MED16: variants seen among roughly 807,000 people sequenced by gnomAD.
MED16 encodes the protein mediator of RNA polymerase II transcription subunit 16.
MED16 carries 81 observed loss-of-function variants against 84.4 expected under a neutral mutation model. The ratio of observed to expected loss-of-function variants is 0.96; its 90% CI spans 0.80 to 1.15. The LOEUF (loss-of-function observed/expected upper bound fraction) is 1.15. Among genes scored for constraint, MED16 ranks in the 50% most tolerant of loss-of-function variants. MED16 has a pLI of 0.00. For synonymous variants in MED16, 897 were observed against 552.2 expected (o/e 1.62, Z -8.76); for missense variants, 1,585 against 1,245.9 (o/e 1.27, Z -4.10).
intron 4 of MED16, among the ~76,000 whole-genome samples, chr19:887,086 A>C (rs1486768832): frequency 7.1e-6 from 1 of 140,700 alleles, no homozygotes; most frequent in Admixed American, 7.0e-5. Flanking sequence ...TCTCAAAAAC[A>C]AAAAAAAAAA....
intron 9 of MED16, 114 bp downstream of exon 9, chr19:876,860 C>A (rs1568324464): frequency 2.2e-6 from 2 of 898,162 alleles, no homozygotes; most frequent in African/African-American, 3.8e-5. Flanking sequence ...CCACCTGGCA[C>A]GGGACCACCT....
Position 877,040 on chromosome 19 carries a change from A to T in MED16, c.1494T>A (p.Ser498Arg). 1 of 1,612,544 alleles carries T rather than the reference A, an allele frequency of 6.2e-7. No individual in the cohort carries two copies. The highest frequency in any genetic ancestry group is 8.5e-7 in the Non-Finnish European group (1 of 1,179,876). ...GCTTCTCCACCAGGCTCTGTACCAT[A>T]CTGGGCTGCACGTGCAGCAGGATGT... The part of the protein sequence containing the change: ...WWDILLHVQP[S>R]MVQSLVEKLH... The change falls in exon 9 of 16, where the codon AGT becomes AGA. Residue 498 changes from serine (S) to arginine (R), a missense_variant. Physicochemically the swap from Ser to Arg is moderately radical, Grantham distance 110 (BLOSUM62 -1). Coordinates refer to ENST00000325464, the MANE Select transcript of MED16 (RefSeq NM_005481.3).
chr19:885,066 A>AC, intron 5 of MED16, 58 bp from the exon 6 acceptor site: 1 of 1,382,354 alleles, frequency 7.2e-7, no homozygotes, highest in Non-Finnish European at 9.9e-7. Context: ...CCACGCCACC[A>AC]CCGGAGCCTG....
intron 6 of MED16, among the ~76,000 whole-genome samples, chr19:883,333 C>T (rs2036458533): frequency 7.6e-6 from 1 of 131,620 alleles, no homozygotes. Flanking sequence ...AAGAGCTGGG[C>T]ATGGCGGGGA....
At chr19:883,059 C>G (rs2036452624) in intron 6 of MED16, among the ~76,000 whole-genome samples, 1 of 152,224 alleles carries the variant, frequency 6.6e-6, no homozygotes, top group Non-Finnish European at 1.5e-5. Flanking sequence ...CGACCACACC[C>G]CCAGCTAGTG....
chr19:888,599 G>A (rs1011338464), intron 4 of MED16, among the ~76,000 whole-genome samples: 5 of 151,350 alleles, frequency 3.3e-5, no homozygotes, highest in Admixed American at 6.6e-5. Flanking sequence ...GAGTGTATAC[G>A]AAACCTCTGG....
intron 4 of MED16, among the ~76,000 whole-genome samples, chr19:887,262 G>A: frequency 6.6e-6 from 1 of 152,220 alleles, no homozygotes; most frequent in Non-Finnish European, 1.5e-5. Flanking sequence ...GTGAGGGGTT[G>A]CCATGGCGAC....
At chr19:876,678 C>T (rs377607914) in intron 9 of MED16, among the ~76,000 whole-genome samples, 1 of 152,096 alleles carries the variant, frequency 6.6e-6, no homozygotes, top group African/African-American at 2.4e-5. Context: ...CTCCGCCTGC[C>T]ATAGAGCCCC....
intron 13 of MED16, among the ~76,000 whole-genome samples, chr19:870,584 G>T (rs1163705837): frequency 1.4e-5 from 2 of 142,360 alleles, no homozygotes; most frequent in Non-Finnish European, 3.2e-5. Context: ...AAAAAAAAAA[G>T]GGAGAGGGTG....
At chr19:868,524 G>A (rs543620095) in intron 14 of MED16, 25 bp from the exon 15 acceptor site, 95 of 1,605,890 alleles carry the variant, frequency 5.9e-5, no homozygotes, top group Admixed American at 1.0e-4. Flanking sequence ...GCACTGAGCG[G>A]GTTCCCACTT....
intron 11 of MED16, among the ~76,000 whole-genome samples, chr19:872,528 A>G (rs2036104214): frequency 6.6e-6 from 1 of 151,936 alleles, no homozygotes; most frequent in South Asian, 2.1e-4. Context: ...GCCCCACAAA[A>G]AGAAGAGAGG....
chr19:888,696 C>G (rs920104329), intron 4 of MED16, among the ~76,000 whole-genome samples: 9 of 152,118 alleles, frequency 5.9e-5, no homozygotes, highest in African/African-American at 2.2e-4. Context: ...ACAGGAAATA[C>G]AGACAAACGG....
At position 880,157 on chromosome 19, in the gene MED16, C is replaced by A; in HGVS notation, c.1142-9G>T. On this transcript the variant is annotated splice_polypyrimidine_tract_variant and intron_variant, in intron 7 of 15. Transcript: ENST00000325464. ...GAAGGCCAGGGCCAGCCCTGTGGGG[C>A]ACAGGCACTGCTTAGACATGGGCAG... is the stretch of plus-strand genomic sequence containing the variant. 3.7e-6 allele frequency: 6 copies of A among 1,603,900 alleles called. No individual in the cohort carries two copies. Among genetic ancestry groups the A allele is most frequent in the South Asian group, 2.2e-5 (2 of 90,096 alleles).
chr19:878,287 T>C (rs1439194715), intron 8 of MED16, among the ~76,000 whole-genome samples: 13 of 57,116 alleles, frequency 2.3e-4, no homozygotes, highest in African/African-American at 2.9e-4. Context: ...CTTCCCCTGG[T>C]TGTCAATGCC....
intron 8 of MED16, among the ~76,000 whole-genome samples, chr19:877,554 C>T (rs566874451): frequency 1.3e-3 from 129 of 96,328 alleles, no homozygotes; most frequent in African/African-American, 5.5e-3. Context: ...ACGAACCCAT[C>T]ACACAGACAA....
At chr19:878,208 C>T (rs2036309698) in intron 8 of MED16, among the ~76,000 whole-genome samples, 1 of 126,866 alleles carries the variant, frequency 7.9e-6, no homozygotes, top group Admixed American at 8.0e-5. Context: ...CAGCAGCTCA[C>T]CTTCCCCTGG....
At position 881,723 on chromosome 19, in the gene MED16, T is replaced by G. The variant is rs777766805; in HGVS notation, c.986-9A>C. On this transcript the variant is annotated splice_polypyrimidine_tract_variant and intron_variant, in intron 6 of 15. Coordinates refer to ENST00000325464, the MANE Select transcript of MED16 (RefSeq NM_005481.3). The stretch of plus-strand genomic sequence containing the variant: ...GGGCTGTTTGTCGCCAACTGAAAAA[T>G]CAGGGGCAGGAAAACAGGAAGGCAA... 6.8e-6 allele frequency: 11 copies of G among 1,607,354 alleles called. No individual in the cohort carries two copies. The South Asian group carries it at 1.2e-4, about 18-fold the overall frequency.
At position 871,129 on chromosome 19, in the gene MED16, G is replaced by A. The variant is rs1362252974; in HGVS notation, c.2223C>T (p.Arg741=). 3 of 1,548,388 alleles carry A rather than the reference G, an allele frequency of 1.9e-6. No homozygotes were observed. Among genetic ancestry groups the A allele is most frequent in the Non-Finnish European group, 8.7e-7 (1 of 1,145,782 alleles). The change falls in exon 13 of 16, where the codon CGC becomes CGT. Residue 741 remains arginine (R), a synonymous_variant. Coordinates refer to ENST00000325464, the MANE Select transcript of MED16 (RefSeq NM_005481.3). ...WLPASDGLVS[R]LQPKQPLRLQ... ...GACGAAGGGGCTGCTTGGGCTGCAG[G>A]CGGCTAACCAGGCCGTCGCTGGCTG...
chr19:874,262 C>G (rs889049878), intron 10 of MED16, among the ~76,000 whole-genome samples: 1 of 152,092 alleles, frequency 6.6e-6, no homozygotes, highest in Non-Finnish European at 1.5e-5. Flanking sequence ...TACAGGCGCC[C>G]GCCACCACGC....
Sources: allele counts gnomAD v4.1 joint callset (sites outside exome capture counted in the v4.1 genomes callset), GRCh38; gene constraint gnomAD v4.1.1; transcripts MANE v1.5; gene names NCBI Gene and HGNC (gene_info 2026-07-23, HGNC 2026-07-21).